Variants in NRCAM observed in about 807,000 individuals in gnomAD.
The protein encoded by NRCAM is neuronal cell adhesion molecule.
A neutral mutation model predicts 156.5 loss-of-function variants in NRCAM; 83 were observed. The ratio of observed to expected loss-of-function variants is 0.53; its 90% CI spans 0.44 to 0.64. The LOEUF is 0.64. Among genes scored for constraint, NRCAM ranks in the 30% least tolerant of loss-of-function variants. The probability of loss-of-function intolerance (pLI) is 0.00; values close to 1 mark genes in which losing one functional copy is unlikely to be tolerated. For missense variants in NRCAM, 1,417 were observed against 1,597.3 expected (o/e 0.89, Z 1.92); for synonymous variants, 538 against 563.9 (o/e 0.95, Z 0.65).
intron 8 of NRCAM, among the ~76,000 whole-genome samples, chr7:108,227,915 A>C (rs1348626495): frequency 6.6e-6 from 1 of 152,250 alleles, no homozygotes; most frequent in Non-Finnish European, 1.5e-5. Context: ...AGAGCTTCAA[A>C]GAAAGAACAT....
intron 13 of NRCAM, among the ~76,000 whole-genome samples, chr7:108,203,716 G>T (rs148628202): frequency 3.3e-5 from 5 of 152,250 alleles, no homozygotes; most frequent in South Asian, 4.1e-4. Context: ...TGTGGCACAG[G>T]AGACAAACTT....
intron 2 of NRCAM, among the ~76,000 whole-genome samples, chr7:108,328,239 A>G (rs1354838583): frequency 2.0e-5 from 3 of 152,190 alleles, no homozygotes; most frequent in Non-Finnish European, 2.9e-5. Context: ...ATAAAACCAA[A>G]TCAATGAACA....
chr7:108,189,493 G>C (rs111838989), intron 20 of NRCAM, 152 bp downstream of exon 20: 2 of 581,876 alleles, frequency 3.4e-6, no homozygotes. Flanking sequence ...GCTCTGAAGA[G>C]AGGAAGGACA....
At chr7:108,376,864 A>G (rs1043974738) in intron 2 of NRCAM, among the ~76,000 whole-genome samples, 1 of 152,200 alleles carries the variant, frequency 6.6e-6, no homozygotes, top group Admixed American at 6.5e-5. Context: ...AGTTAATAGA[A>G]TAACTTTGAG....
chr7:108,302,639 C>T (rs966730918), intron 3 of NRCAM, among the ~76,000 whole-genome samples: 1 of 152,220 alleles, frequency 6.6e-6, no homozygotes, highest in Admixed American at 6.5e-5. Context: ...TGACTCCCAG[C>T]ATCTCTGCCT....
chr7:108,298,184 C>T (rs541114134), intron 3 of NRCAM, among the ~76,000 whole-genome samples: 1 of 152,270 alleles, frequency 6.6e-6, no homozygotes, highest in East Asian at 1.9e-4. Flanking sequence ...TACCAATAAT[C>T]ATATTAAAAG....
At chr7:108,404,907 ACTTTT>A (rs1173526755) in intron 1 of NRCAM, among the ~76,000 whole-genome samples, 2 of 152,208 alleles carry the variant, frequency 1.3e-5, no homozygotes, top group Non-Finnish European at 2.9e-5. Context: ...GAACAGTGAG[ACTTTT>A]CTTCTCTTGG....
intron 19 of NRCAM, among the ~76,000 whole-genome samples, chr7:108,190,454 C>T (rs1332674514): frequency 6.6e-6 from 1 of 152,052 alleles, no homozygotes; most frequent in South Asian, 2.1e-4. Flanking sequence ...TCTTAGGGGA[C>T]CAGAGACCAT....
intron 18 of NRCAM, 150 bp downstream of exon 18, chr7:108,191,579 C>T: frequency 3.1e-6 from 3 of 961,438 alleles, no homozygotes; most frequent in Non-Finnish European, 4.4e-6. Flanking sequence ...TTATTGCCTC[C>T]AAGGCATCTT....
chr7:108,190,205 T>G (rs1415168117), intron 19 of NRCAM, among the ~76,000 whole-genome samples: 2 of 152,238 alleles, frequency 1.3e-5, no homozygotes, highest in African/African-American at 2.4e-5. Context: ...TAACAGATTT[T>G]GGGGCTCTGA....
intron 2 of NRCAM, among the ~76,000 whole-genome samples, chr7:108,330,669 G>A (rs879381269): frequency 6.6e-6 from 1 of 152,158 alleles, no homozygotes; most frequent in East Asian, 1.9e-4. Context: ...GGACCACTGG[G>A]ATGGCCATGC....
At chr7:108,308,458 C>G (rs935816031) in intron 3 of NRCAM, among the ~76,000 whole-genome samples, 4 of 152,208 alleles carry the variant, frequency 2.6e-5, no homozygotes, top group Non-Finnish European at 5.9e-5. Context: ...AAGTGCTCTA[C>G]ATTTCATGTA....
chr7:108,454,221 T>C (rs1213246663), intron 1 of NRCAM, among the ~76,000 whole-genome samples: 2 of 152,222 alleles, frequency 1.3e-5, no homozygotes, highest in African/African-American at 4.8e-5. Flanking sequence ...AATCACAATA[T>C]TGCCTGCTAC....
At position 108,190,072 on chromosome 7, in the gene NRCAM, A is replaced by C. The variant is rs190031170; in HGVS notation, c.1934-326T>G. On this transcript the variant is annotated intron_variant, in intron 19 of 32. Transcript: ENST00000379028. ...ACATGAATGGGCACAAACATGAAAAATAATAAGCTTAATTTCTAATACATG... is the reference window on the plus strand; with the variant it reads ...ACATGAATGGGCACAAACATGAAAACTAATAAGCTTAATTTCTAATACATG... Among the ~76,000 whole-genome samples the C allele has an allele frequency of 1.1e-3, 164 of 152,368 alleles. 2 individuals carry two copies. In the Middle Eastern group the frequency reaches 0.014, roughly 13 times the overall value.
intron 3 of NRCAM, among the ~76,000 whole-genome samples, chr7:108,246,960 G>A (rs2095980220): frequency 6.6e-6 from 1 of 152,080 alleles, no homozygotes. Flanking sequence ...GAGGTGTGAT[G>A]ACCATTTGCA....
intron 1 of NRCAM, among the ~76,000 whole-genome samples, chr7:108,424,030 T>G (rs1813775145): frequency 6.6e-6 from 1 of 152,246 alleles, no homozygotes; most frequent in South Asian, 2.1e-4. Context: ...AAAGCACATA[T>G]TCCAAATGTG....
intron 1 of NRCAM, among the ~76,000 whole-genome samples, chr7:108,423,305 T>C (rs999361826): frequency 1.7e-4 from 26 of 150,974 alleles, no homozygotes; most frequent in African/African-American, 4.6e-4. Context: ...GAAGGGAAAG[T>C]GAAGGAGAAA....
At chr7:108,249,418 G>A (rs2096194779) in intron 3 of NRCAM, among the ~76,000 whole-genome samples, 2 of 152,118 alleles carry the variant, frequency 1.3e-5, no homozygotes, top group African/African-American at 4.8e-5. Context: ...GTATTATAAA[G>A]AACTTAACAG....
chr7:108,198,091 C>G lies in NRCAM; in HGVS notation c.1216G>C (p.Asp406His), dbSNP rs2076069391. 1 of 1,602,020 alleles carries G rather than the reference C, an allele frequency of 6.2e-7. No homozygotes were observed. The highest frequency in any genetic ancestry group is 8.5e-7 in the Non-Finnish European group (1 of 1,176,008). ...TNGVPIEIAP[D>H]DPSRKIDGDT... Reference sequence around the variant, plus strand: ...CCATCTATTTTTCTGCTGGGGTCATCAGGGGCAACTGTTTGGATGTAAAAA... The same window carrying G: ...CCATCTATTTTTCTGCTGGGGTCATGAGGGGCAACTGTTTGGATGTAAAAA... Residue 406 changes from aspartate (D) to histidine (H), a missense_variant, in exon 14 of 33, where the codon GAT becomes CAT. Asp to His is a moderately conservative substitution (Grantham distance 81, BLOSUM62 -1). Coordinates refer to ENST00000379028, the MANE Select transcript of NRCAM (RefSeq NM_001037132.4).
Sources: gnomAD v4.1 joint callset for allele counts (sites outside exome capture counted in the v4.1 genomes callset) on GRCh38, gnomAD v4.1.1 for gene constraint, MANE v1.5 for transcripts, NCBI Gene and HGNC (gene_info 2026-07-23, HGNC 2026-07-21) for gene names.